DAB1: variants seen among roughly 807,000 people sequenced by gnomAD.
The protein encoded by DAB1 is DAB adaptor protein 1.
Under a neutral mutation model 64.6 loss-of-function variants are expected in DAB1, and 15 were observed. The ratio of observed to expected loss-of-function variants is 0.23; its 90% CI spans 0.16 to 0.36. The LOEUF (loss-of-function observed/expected upper bound fraction) is 0.36, where lower values mean the gene tolerates loss of function less well. Ranked by LOEUF, DAB1 falls within the 10% of genes least tolerant of loss-of-function variation. The probability of loss-of-function intolerance (pLI) is 1.00; values close to 1 mark genes in which losing one functional copy is unlikely to be tolerated. For synonymous variants in DAB1, 235 were observed against 251.9 expected, an observed-to-expected ratio of 0.93 and a Z score of 0.64; for missense variants, 596 against 706.7, an observed-to-expected ratio of 0.84 and a Z score of 1.78.
chr1:57,895,465 C>T (rs1345958227), intron 5 of DAB1, among the ~76,000 whole-genome samples: 1 of 152,184 alleles, frequency 6.6e-6, no homozygotes, highest in East Asian at 1.9e-4. Flanking sequence ...ACAACTAAAT[C>T]AACCATTAGT....
upstream of DAB1, among the ~76,000 whole-genome samples, chr1:57,886,968 A>G (rs1021288175): frequency 2.0e-5 from 3 of 152,226 alleles, no homozygotes; most frequent in Non-Finnish European, 4.4e-5. Flanking sequence ...TTTATTACTT[A>G]AACACATGCA....
At chr1:57,283,876 A>C (rs1051494807) in intron 2 of DAB1, among the ~76,000 whole-genome samples, 1 of 152,148 alleles carries the variant, frequency 6.6e-6, no homozygotes, top group Admixed American at 6.6e-5. Context: ...TCCTCTTGAG[A>C]CCTCACCTGT....
At chr1:57,852,994 CT>C (rs1027467838) in intron 1 of DAB1, among the ~76,000 whole-genome samples, 6 of 152,024 alleles carry the variant, frequency 3.9e-5, no homozygotes, top group African/African-American at 1.4e-4. Context: ...TGATAATTAA[CT>C]GTTGGAGGGC....
chr1:57,616,172 G>C (rs1049124199), intron 7 of DAB1, among the ~76,000 whole-genome samples: 1 of 152,036 alleles, frequency 6.6e-6, no homozygotes, highest in Non-Finnish European at 1.5e-5. Context: ...GAATTATGCT[G>C]AGCTCATTCC....
intron 2 of DAB1, among the ~76,000 whole-genome samples, chr1:57,240,727 A>G (rs1668435501): frequency 6.6e-6 from 1 of 152,180 alleles, no homozygotes; most frequent in Admixed American, 6.5e-5. Flanking sequence ...GCTGGGCTTG[A>G]GAAATGAAGG....
At chr1:57,496,811 T>C (rs1644235837) in intron 7 of DAB1, among the ~76,000 whole-genome samples, 1 of 152,196 alleles carries the variant, frequency 6.6e-6, no homozygotes, top group South Asian at 2.1e-4. Flanking sequence ...CAGCTGCTAG[T>C]GGCAGAACTG....
chr1:58,176,053 T>C (rs769199840), intron 4 of DAB1, among the ~76,000 whole-genome samples: 1 of 152,188 alleles, frequency 6.6e-6, no homozygotes, highest in Non-Finnish European at 1.5e-5. Context: ...AAGAGCTGGG[T>C]AGCCATCACT....
At chr1:57,629,205 T>G (rs980598460) in intron 7 of DAB1, among the ~76,000 whole-genome samples, 1 of 152,244 alleles carries the variant, frequency 6.6e-6, no homozygotes, top group Admixed American at 6.5e-5. Context: ...TGTTACATGT[T>G]GCAGAAATTC....
chr1:57,074,979 T>C (rs979851634), intron 4 of DAB1, among the ~76,000 whole-genome samples: 5 of 152,230 alleles, frequency 3.3e-5, no homozygotes, highest in Non-Finnish European at 7.3e-5. Context: ...GGGGCATTGA[T>C]TTATAGGCTT....
intron 6 of DAB1, among the ~76,000 whole-genome samples, chr1:57,806,832 C>G (rs1199083296): frequency 6.6e-6 from 1 of 152,194 alleles, no homozygotes; most frequent in Admixed American, 6.5e-5. Flanking sequence ...CACTTCCCTT[C>G]TCTCCATTGT....
intron 5 of DAB1, among the ~76,000 whole-genome samples, chr1:58,004,012 C>T (rs1298019152): frequency 1.3e-5 from 2 of 152,140 alleles, no homozygotes; most frequent in Non-Finnish European, 2.9e-5. Flanking sequence ...CTAGGCCATC[C>T]GGAACTCTGC....
chr1:57,830,918 A>C (rs975625884), intron 1 of DAB1, among the ~76,000 whole-genome samples: 1 of 151,820 alleles, frequency 6.6e-6, no homozygotes, highest in Non-Finnish European at 1.5e-5. Context: ...TATTTTATTT[A>C]TTTCTTTATT....
intron 7 of DAB1, among the ~76,000 whole-genome samples, chr1:57,499,967 A>T (rs1045877823): frequency 4.6e-5 from 7 of 152,224 alleles, no homozygotes; most frequent in African/African-American, 1.7e-4. Flanking sequence ...ATAAATGGTA[A>T]ATATATACAT....
intron 12 of DAB1, among the ~76,000 whole-genome samples, chr1:57,013,845 C>T (rs1646339048): frequency 6.6e-6 from 1 of 152,124 alleles, no homozygotes; most frequent in African/African-American, 2.4e-5. Flanking sequence ...TCACTGTTTT[C>T]CAGATGTTTG....
At chr1:57,189,509 T>G (rs533322173) in intron 2 of DAB1, among the ~76,000 whole-genome samples, 91 of 152,172 alleles carry the variant, frequency 6.0e-4, no homozygotes, top group Non-Finnish European at 9.3e-4. Flanking sequence ...ATTTCTCGTC[T>G]GGAGCAAATG....
intron 3 of DAB1, among the ~76,000 whole-genome samples, chr1:58,417,478 T>C (rs1188123229): frequency 1.3e-5 from 2 of 152,254 alleles, no homozygotes; most frequent in Middle Eastern, 3.4e-3. Flanking sequence ...CCGGGAGTGG[T>C]TGGAGGATGG....
intron 9 of DAB1, among the ~76,000 whole-genome samples, chr1:57,035,248 G>A (rs2100445888): frequency 6.6e-6 from 1 of 152,112 alleles, no homozygotes; most frequent in East Asian, 1.9e-4. Context: ...ACTAGCTCTG[G>A]GTCATAACTT....
chr1:57,772,545 G>T (rs1649609101), intron 6 of DAB1, among the ~76,000 whole-genome samples: 1 of 152,012 alleles, frequency 6.6e-6, no homozygotes. Flanking sequence ...GCATCTAGGA[G>T]TAGACTCGCT....
intron 4 of DAB1, among the ~76,000 whole-genome samples, chr1:58,162,240 G>A (rs1342143694): frequency 4.6e-5 from 7 of 152,130 alleles, no homozygotes; most frequent in African/African-American, 1.4e-4. Context: ...GACTGACAAC[G>A]ATCCTGTCAA....
Sources: gnomAD v4.1 joint callset for allele counts (sites outside exome capture counted in the v4.1 genomes callset) on GRCh38, gnomAD v4.1.1 for gene constraint, MANE v1.5 for transcripts, NCBI Gene and HGNC (gene_info 2026-07-23, HGNC 2026-07-21) for gene names.